Variants in TLL2 observed in about 807,000 individuals in gnomAD.
The protein encoded by TLL2 is tolloid like 2, also known as tolloid-like protein 2.
Under a neutral mutation model 123.0 loss-of-function variants are expected in TLL2, and 106 were observed. The ratio of observed to expected loss-of-function variants is 0.86; its 90% CI spans 0.74 to 1.01. The LOEUF (loss-of-function observed/expected upper bound fraction) is 1.01, where lower values mean the gene tolerates loss of function less well. Ranked by LOEUF, TLL2 falls within the 50% of genes least tolerant of loss-of-function variation. The probability of loss-of-function intolerance (pLI) is 0.00; values close to 1 mark genes in which losing one functional copy is unlikely to be tolerated. For missense variants in TLL2, 1,332 were observed against 1,336.7 expected (o/e 1.00, Z 0.06); for synonymous variants, 494 against 516.8 (o/e 0.96, Z 0.60).
At chr10:96,473,053 C>CG (rs199691473) in intron 2 of TLL2, among the ~76,000 whole-genome samples, 1 of 152,164 alleles carries the variant, frequency 6.6e-6, no homozygotes, top group East Asian at 1.9e-4. Flanking sequence ...CATCAGCCCC[C>CG]CCCAATCAGA....
At position 96,378,892 on chromosome 10, in the gene TLL2, A is replaced by T; in HGVS notation, c.2320+75T>A. 5.7e-6 allele frequency: 9 copies of T among 1,581,792 alleles called. No homozygotes were observed. In the South Asian group the frequency reaches 1.0e-4, roughly 18 times the overall value. ...AGGTCCTCGCCGCACCTCCTTACTC[A>T]TGCACATGCACACAGGGGCATGGGG... On this transcript the variant is annotated intron_variant, in intron 17 of 20. Coordinates refer to ENST00000357947, the MANE Select transcript of TLL2 (RefSeq NM_012465.4).
Position 96,370,236 on chromosome 10 carries a change from C to A in TLL2, c.2742G>T (p.Pro914=). 6.2e-7 allele frequency: 1 copy of A among 1,613,526 alleles called. No homozygotes were observed. The highest frequency in any genetic ancestry group is 8.5e-7 in the Non-Finnish European group (1 of 1,179,666). The change falls in exon 20 of 21, where the codon CCG becomes CCT. Residue 914 remains proline, a synonymous_variant. Coordinates refer to ENST00000357947, the MANE Select transcript of TLL2 (RefSeq NM_012465.4). ...TCACCCAGTCACAGCGGGCCTCGCT[C>A]GGGTAGTTGTTGTCCCCAAACTGGG... is the stretch of plus-strand genomic sequence containing the variant. The part of the protein sequence containing the change: ...SHAQFGDNNY[P]SEARCDWVIV...
intron 9 of TLL2, among the ~76,000 whole-genome samples, chr10:96,406,527 T>G (rs922870171): frequency 6.6e-6 from 1 of 152,148 alleles, no homozygotes; most frequent in African/African-American, 2.4e-5. Context: ...TAGCCACTTC[T>G]TTATATTCAA....
chr10:96,473,723 C>T (rs1847206669), intron 2 of TLL2, among the ~76,000 whole-genome samples: 1 of 152,190 alleles, frequency 6.6e-6, no homozygotes, highest in South Asian at 2.1e-4. Flanking sequence ...ACCATTTCCC[C>T]TTTTAAAGTC....
chr10:96,408,213 C>T (rs1846469468), intron 9 of TLL2, among the ~76,000 whole-genome samples: 1 of 152,184 alleles, frequency 6.6e-6, no homozygotes. Flanking sequence ...AATGTTAGTA[C>T]AACTTCCTTG....
chr10:96,487,193 G>C (rs1010088478), intron 1 of TLL2, among the ~76,000 whole-genome samples: 1 of 152,214 alleles, frequency 6.6e-6, no homozygotes, highest in Non-Finnish European at 1.5e-5. Context: ...CCTGGTAGAA[G>C]TGTGTGAGAA....
At chr10:96,452,742 C>G (rs569904327) in intron 2 of TLL2, among the ~76,000 whole-genome samples, 2 of 152,106 alleles carry the variant, frequency 1.3e-5, no homozygotes, top group African/African-American at 4.8e-5. Context: ...GCAAGCATCC[C>G]GGGGAAGGGC....
At chr10:96,436,799 C>T (rs533841501) in intron 3 of TLL2, among the ~76,000 whole-genome samples, 1 of 152,046 alleles carries the variant, frequency 6.6e-6, no homozygotes, top group Non-Finnish European at 1.5e-5. Flanking sequence ...CATCCTCCCC[C>T]CTCACCCTCC....
chr10:96,421,027 C>T lies in TLL2; in HGVS notation c.852G>A (p.Gly284=). Residue 284 remains glycine, a synonymous_variant, in exon 7 of 21, where the codon GGG becomes GGA. Transcript: ENST00000357947. ...ATGTCTCTCCCAGAGAGCTCACTTCCCCAGCTTCCATTTTTAAGAAATTAT... is the reference window on the plus strand; with the variant it reads ...ATGTCTCTCCCAGAGAGCTCACTTCTCCAGCTTCCATTTTTAAGAAATTAT... ...QEYNFLKMEA[G]EVSSLGETYD... The T allele has an allele frequency of 6.2e-7, 1 of 1,614,052 alleles. No homozygotes were observed. The highest frequency in any genetic ancestry group is 8.5e-7 in the Non-Finnish European group (1 of 1,179,946).
At chr10:96,439,531 A>G (rs1846830963) in intron 3 of TLL2, among the ~76,000 whole-genome samples, 1 of 152,172 alleles carries the variant, frequency 6.6e-6, no homozygotes, top group South Asian at 2.1e-4. Context: ...TGCTGCTAAC[A>G]TCACCAACAT....
chr10:96,481,893 T>C (rs2134105171), intron 1 of TLL2, among the ~76,000 whole-genome samples: 1 of 152,250 alleles, frequency 6.6e-6, no homozygotes, highest in African/African-American at 2.4e-5. Flanking sequence ...GAACTTCGAG[T>C]AACAGAGGTT....
chr10:96,476,216 TTATATGTATA>T (rs1408303478), intron 2 of TLL2, among the ~76,000 whole-genome samples: 1 of 33,334 alleles, frequency 3.0e-5, no homozygotes, highest in Non-Finnish European at 6.4e-5. Flanking sequence ...CTTTTTAATT[TTATATGTATA>T]TATATATATA....
At chr10:96,436,193 A>G (rs1414383096) in intron 3 of TLL2, among the ~76,000 whole-genome samples, 2 of 152,286 alleles carry the variant, frequency 1.3e-5, no homozygotes, top group Non-Finnish European at 2.9e-5. Context: ...TAATATGTCA[A>G]TAAATGGACA....
In TLL2 at chr10:96,397,208, CTTGCCCAAGATG is replaced by C. The variant is rs768547623; in HGVS notation, c.1350_1361del (p.Asn450_Gly453del). 24 of 1,613,752 alleles carry C rather than the reference CTTGCCCAAGATG, an allele frequency of 1.5e-5. No homozygotes were observed. The highest frequency in any genetic ancestry group is 2.5e-6 in the Non-Finnish European group (3 of 1,179,844). On this transcript the variant is annotated inframe_deletion, in exon 11 of 21. Coordinates refer to ENST00000357947, the MANE Select transcript of TLL2 (RefSeq NM_012465.4). ...AACCTTCGTACGCTGCAAAGAAGCC[CTTGCCCAAGATG>C]TTGCTGCTGCTGCGGAACTCCACCC...
At chr10:96,470,551 AC>A (rs1328097449) in intron 2 of TLL2, among the ~76,000 whole-genome samples, 2 of 152,182 alleles carry the variant, frequency 1.3e-5, no homozygotes, top group Non-Finnish European at 2.9e-5. Flanking sequence ...CATCCTGTGC[AC>A]CCCCAGCACC....
rs1344048075 is a variant in TLL2 at position 96,365,029 on chromosome 10, CT to C, written c.*3058del. On this transcript the variant is annotated 3_prime_UTR_variant, in exon 21 of 21. Transcript: ENST00000357947. ...AAACTTTACAGCAGGGGTGTCCCAT[CT>C]TTTGGCTTCCCTGGGCCACATTGGA... The C allele has an allele frequency of 6.6e-6, 1 of 152,158 alleles. No homozygotes were observed. Among genetic ancestry groups the C allele is most frequent in the East Asian group, 1.9e-4 (1 of 5,194 alleles). The allele number at this position is 152,158 out of a possible 1,614,324, so 9.4% of individuals were successfully genotyped here.
intron 2 of TLL2, among the ~76,000 whole-genome samples, chr10:96,467,360 G>A (rs938904495): frequency 2.0e-5 from 3 of 151,972 alleles, no homozygotes; most frequent in Admixed American, 2.0e-4. Context: ...CAAGTAGCTG[G>A]GATTACAGAT....
chr10:96,415,867 T>C (rs1301845761), intron 7 of TLL2, among the ~76,000 whole-genome samples: 1 of 149,040 alleles, frequency 6.7e-6, no homozygotes, highest in Non-Finnish European at 1.5e-5. Context: ...TGTTATCTTT[T>C]TGTTTTTGTG....
intron 2 of TLL2, among the ~76,000 whole-genome samples, chr10:96,465,907 A>G (rs1163880941): frequency 1.3e-5 from 2 of 152,264 alleles, no homozygotes; most frequent in Non-Finnish European, 1.5e-5. Context: ...AAGAGAAGCC[A>G]GAGTTCTGGA....
Sources: gnomAD v4.1 joint callset for allele counts (sites outside exome capture counted in the v4.1 genomes callset) on GRCh38, gnomAD v4.1.1 for gene constraint, MANE v1.5 for transcripts, NCBI Gene and HGNC (gene_info 2026-07-23, HGNC 2026-07-21) for gene names.